Variants in TRIP11 observed in about 807,000 individuals in gnomAD.
TRIP11 encodes thyroid hormone receptor interactor 11, also known as thyroid receptor-interacting protein 11.
TRIP11 carries 148 observed loss-of-function variants against 223.1 expected under a neutral mutation model. The ratio of observed to expected loss-of-function variants is 0.66; its 90% CI spans 0.58 to 0.76. TRIP11 has a LOEUF of 0.76. Ranked by LOEUF, TRIP11 falls within the 30% of genes least tolerant of loss-of-function variation. The pLI, the probability that TRIP11 is intolerant of heterozygous loss-of-function variation, is 0.00. For synonymous variants in TRIP11, 762 were observed against 772.6 expected, an observed-to-expected ratio of 0.99 and a Z score of 0.23; for missense variants, 2,043 against 2,222.0, an observed-to-expected ratio of 0.92 and a Z score of 1.62.
intron 2 of TRIP11, among the ~76,000 whole-genome samples, chr14:92,029,594 G>A (rs987862637): frequency 4.2e-4 from 63 of 150,338 alleles, no homozygotes; most frequent in Non-Finnish European, 7.8e-4. Context: ...GATTACAGGC[G>A]TGAGCCACCA....
chr14:92,039,027 A>G (rs888737072), intron 1 of TRIP11, among the ~76,000 whole-genome samples: 1 of 152,238 alleles, frequency 6.6e-6, no homozygotes, highest in Non-Finnish European at 1.5e-5. Flanking sequence ...ATAATGTATC[A>G]TCACAATAAG....
At chr14:92,038,822 A>C (rs1213874574) in intron 1 of TRIP11, among the ~76,000 whole-genome samples, 1 of 152,208 alleles carries the variant, frequency 6.6e-6, no homozygotes, top group Non-Finnish European at 1.5e-5. Flanking sequence ...TAATTAATGG[A>C]TAGTAACTAA....
intron 17 of TRIP11, 62 bp downstream of exon 17, chr14:91,976,046 T>G (rs2056459947): frequency 6.6e-7 from 1 of 1,510,626 alleles, no homozygotes; most frequent in South Asian, 1.2e-5. Flanking sequence ...ATTTAGAAGT[T>G]TTTTTTTAAC....
rs1324547222 is a variant in TRIP11, at chr14:92,006,071, A to G, written c.1905T>C (p.Ser635=). The change falls in exon 11 of 21, where the codon TCT becomes TCC. Residue 635 remains serine (S), a synonymous_variant. Transcript: ENST00000267622. Reference sequence around the variant, plus strand: ...GTAAGGTATCCTTAAAATTACTATTAGAGTCTTGATTTAGAGACTGCATTA... The same window carrying G: ...GTAAGGTATCCTTAAAATTACTATTGGAGTCTTGATTTAGAGACTGCATTA... The part of the protein sequence containing the change: ...NELMQSLNQD[S]NSNFKDTLLK... The G allele has an allele frequency of 6.3e-7, 1 of 1,586,236 alleles. No individual in the cohort carries two copies. The highest frequency in any genetic ancestry group is 1.2e-5 in the South Asian group (1 of 84,726).
intron 13 of TRIP11, among the ~76,000 whole-genome samples, chr14:91,997,888 T>C (rs750663408): frequency 2.8e-4 from 42 of 152,272 alleles, no homozygotes; most frequent in Non-Finnish European, 5.4e-4. Context: ...CTAGAAACTA[T>C]TTTAATTAAG....
chr14:92,017,571 T>C, intron 5 of TRIP11, 111 bp downstream of exon 5: 3 of 818,768 alleles, frequency 3.7e-6, no homozygotes. Flanking sequence ...TACCATAATC[T>C]ATATAATGAT....
At chr14:92,018,960 CAA>C (rs567152333) in intron 4 of TRIP11, among the ~76,000 whole-genome samples, 890 of 70,886 alleles carry the variant, frequency 0.013, 4 homozygotes, top group African/African-American at 0.038. Context: ...GACTCCATCT[CAA>C]AAAAAAAAAA....
chr14:91,995,317 T>C, intron 14 of TRIP11, 35 bp downstream of exon 14: 1 of 1,611,588 alleles, frequency 6.2e-7, no homozygotes, highest in Non-Finnish European at 8.5e-7. Flanking sequence ...ATAACTACAA[T>C]TTTTCTTCAT....
At chr14:92,017,790 T>C (rs1181369085) in intron 4 of TRIP11, 40 bp from the exon 5 acceptor site, 7 of 1,550,632 alleles carry the variant, frequency 4.5e-6, no homozygotes. Flanking sequence ...ATTATACTGA[T>C]TTTCTTGTCA....
chr14:92,040,008 G>C lies in TRIP11; in HGVS notation c.-323C>G, dbSNP rs2057367850. 2.3e-6 allele frequency: 1 copy of C among 442,788 alleles called. No individual in the cohort carries two copies. The highest frequency in any genetic ancestry group is 4.2e-6 in the Non-Finnish European group (1 of 238,720). 27.4% of individuals were successfully genotyped at this position (442,788 alleles called of 1,614,324 possible). On this transcript the variant is annotated 5_prime_UTR_variant, in exon 1 of 21. Coordinates refer to ENST00000267622, the MANE Select transcript of TRIP11 (RefSeq NM_004239.4). Reference sequence around the variant, plus strand: ...TTCCTCAGTTCCGTGGGTTACTCCTGCCAACTCGACGCCGGCCGCCATGAC... The same window carrying C: ...TTCCTCAGTTCCGTGGGTTACTCCTCCCAACTCGACGCCGGCCGCCATGAC...
At chr14:92,035,893 A>C (rs988419775) in intron 1 of TRIP11, among the ~76,000 whole-genome samples, 2 of 152,040 alleles carry the variant, frequency 1.3e-5, no homozygotes, top group African/African-American at 4.8e-5. Context: ...CAGCCAGAAA[A>C]ACTCATAACA....
chr14:92,032,560 C>A (rs1047560092), intron 2 of TRIP11, among the ~76,000 whole-genome samples: 1 of 151,954 alleles, frequency 6.6e-6, no homozygotes, highest in Non-Finnish European at 1.5e-5. Context: ...CTTAGCTGGG[C>A]GTGGTGGCTC....
In TRIP11 at chr14:92,004,625, T is replaced by C. The variant is rs1364102022; in HGVS notation, c.3351A>G (p.Thr1117=). 3 of 1,614,072 alleles carry C rather than the reference T, an allele frequency of 1.9e-6. No homozygotes were observed. The African/African-American group carries it at 4.0e-5, about 22-fold the overall frequency. The change falls in exon 11 of 21, where the codon ACA becomes ACG. Residue 1117 remains threonine (T), a synonymous_variant. Coordinates refer to ENST00000267622, the MANE Select transcript of TRIP11 (RefSeq NM_004239.4). ...CAATATCCATCATTTTGTGATATTC[T>C]GTTTTTAGATGGCTATTTTCCCTAG... ...EKTRENSHLK[T]EYHKMMDIVA...
At chr14:91,971,991 G>T (rs2056405654) in intron 20 of TRIP11, among the ~76,000 whole-genome samples, 1 of 152,118 alleles carries the variant, frequency 6.6e-6, no homozygotes, top group African/African-American at 2.4e-5. Context: ...ATTAAAATAT[G>T]AAGATTTCAG....
chr14:92,000,139 A>AC lies in TRIP11; in HGVS notation c.4558-32_4558-31insG, dbSNP rs753262470. On this transcript the variant is annotated intron_variant, in intron 11 of 20. Transcript: ENST00000267622. ...GGAAAGAAAAAATTTTAGCTTTAAA[A>AC]AACACACACACACACATATTTTAAA... 7.1e-5 allele frequency: 115 copies of AC among 1,612,770 alleles called. No homozygotes were observed. In the African/African-American group the frequency reaches 1.3e-3, roughly 18 times the overall value.
At position 91,995,432 on chromosome 14, in the gene TRIP11, A is replaced by C; in HGVS notation, c.4976T>G (p.Leu1659Arg). ...SKQRDETALQLSVSQEQVKQY... is the reference protein window; with the variant it reads ...SKQRDETALQRSVSQEQVKQY... Reference sequence around the variant, plus strand: ...CTTTACTTGTTCCTGAGAGACAGAAAGCTGCAGCGCAGTTTCATCCCTTTG... The same window carrying C: ...CTTTACTTGTTCCTGAGAGACAGAACGCTGCAGCGCAGTTTCATCCCTTTG... Residue 1659 changes from leucine to arginine, a missense_variant, in exon 14 of 21, where the codon CTT (leucine) becomes CGT (arginine). Physicochemically the swap from Leu to Arg is moderately radical, Grantham distance 102. Coordinates refer to ENST00000267622, the MANE Select transcript of TRIP11 (RefSeq NM_004239.4). The C allele has an allele frequency of 6.2e-7, 1 of 1,614,162 alleles. No individual in the cohort carries two copies. Among genetic ancestry groups the C allele is most frequent in the Non-Finnish European group, 8.5e-7 (1 of 1,180,016 alleles).
chr14:91,972,990 C>T (rs947027313), intron 19 of TRIP11, 129 bp from the exon 20 acceptor site: 16 of 704,704 alleles, frequency 2.3e-5, no homozygotes, highest in South Asian at 1.1e-4. Context: ...TTTTTTTTTA[C>T]AAATCAGCTT....
At chr14:91,989,219 C>T (rs181858071) in intron 15 of TRIP11, among the ~76,000 whole-genome samples, 1 of 152,146 alleles carries the variant, frequency 6.6e-6, no homozygotes, top group East Asian at 1.9e-4. Context: ...CATTCCTTGC[C>T]CAATAAATGC....
At chr14:91,994,538 C>T (rs1395278500) in intron 14 of TRIP11, among the ~76,000 whole-genome samples, 1 of 152,162 alleles carries the variant, frequency 6.6e-6, no homozygotes, top group Non-Finnish European at 1.5e-5. Context: ...GCCACCGTGC[C>T]CGGCAAGAAT....
Sources: gnomAD v4.1 joint callset for allele counts (sites outside exome capture counted in the v4.1 genomes callset) on GRCh38, gnomAD v4.1.1 for gene constraint, MANE v1.5 for transcripts, NCBI Gene and HGNC (gene_info 2026-07-23, HGNC 2026-07-21) for gene names.